PRG4: variants seen among roughly 807,000 people sequenced by gnomAD.
PRG4 encodes proteoglycan 4, also known as articular superficial zone protein.
In PRG4, 61 loss-of-function variants were observed where a neutral mutation model predicts 91.2. The observed-to-expected ratio is 0.67, with a 90% confidence interval of 0.54 to 0.83. PRG4 has a LOEUF of 0.83. Among genes scored for constraint, PRG4 ranks in the 40% least tolerant of loss-of-function variants. PRG4 has a pLI of 0.00. For missense variants in PRG4, 1,564 were observed against 1,714.2 expected (o/e 0.91, Z 1.55); for synonymous variants, 576 against 614.2 (o/e 0.94, Z 0.92).
rs754081495 is a variant in PRG4, at chr1:186,309,780, T to C, written c.3422-13T>C. ...CTGTTCTATATTTGTTTTGTTTTTG[T>C]TAATTTGTTTAGATGAGACCAATAT... On this transcript the variant is annotated splice_polypyrimidine_tract_variant and intron_variant, in intron 7 of 12. Coordinates refer to ENST00000445192, the MANE Select transcript of PRG4 (RefSeq NM_005807.6). 2 of 1,598,278 alleles carry C rather than the reference T, an allele frequency of 1.3e-6. No homozygotes were observed. Among genetic ancestry groups the C allele is most frequent in the South Asian group, 2.2e-5 (2 of 90,788 alleles).
chr1:186,298,257 C>T (rs1284217150), intron 2 of PRG4, among the ~76,000 whole-genome samples: 2 of 151,890 alleles, frequency 1.3e-5, no homozygotes, highest in East Asian at 3.9e-4. Flanking sequence ...GTAGTGTGTG[C>T]CTGTAATCCC....
At chr1:186,300,979 A>G (rs916411910) in intron 3 of PRG4, among the ~76,000 whole-genome samples, 8 of 152,152 alleles carry the variant, frequency 5.3e-5, no homozygotes, top group African/African-American at 1.9e-4. Flanking sequence ...GTCCCTGTTA[A>G]CTCTAACAAA....
intron 7 of PRG4, 90 bp from the exon 8 acceptor site, chr1:186,309,703 G>A: frequency 1.0e-6 from 1 of 973,728 alleles, no homozygotes. Flanking sequence ...AGGTAAACAG[G>A]AAATAGAACC....
In PRG4 at chr1:186,309,848, T is replaced by G. The variant is rs1354731336; in HGVS notation, c.3477T>G (p.Asn1159Lys). Residue 1159 changes from asparagine to lysine, a missense_variant, in exon 8 of 13, where the codon AAT becomes AAG. By Grantham distance (94) the Asn-to-Lys change is moderately conservative. Around this residue, in one of 3 missense-constraint regions of PRG4, gnomAD observed 1,079 missense variants for 1,162.2 expected, o/e 0.93. Coordinates refer to ENST00000445192, the MANE Select transcript of PRG4 (RefSeq NM_005807.6). ...TAGATGGACTGACTACTTTGCGCAA[T>G]GGGACATTAGTTGCATTCCGAGGTG... ...KPVDGLTTLR[N>K]GTLVAFRGHY... The G allele has an allele frequency of 6.2e-7, 1 of 1,613,720 alleles. No homozygotes were observed. The highest frequency in any genetic ancestry group is 1.1e-5 in the South Asian group (1 of 91,080).
chr1:186,298,081 T>C (rs1185742299), intron 2 of PRG4, among the ~76,000 whole-genome samples: 1 of 152,172 alleles, frequency 6.6e-6, no homozygotes, highest in Non-Finnish European at 1.5e-5. Flanking sequence ...ATTAAATAAA[T>C]CAAATTAAAA....
chr1:186,297,287 T>C (rs1655921829), intron 2 of PRG4, among the ~76,000 whole-genome samples: 1 of 152,172 alleles, frequency 6.6e-6, no homozygotes, highest in South Asian at 2.1e-4. Context: ...AAGAACAATA[T>C]TTAGATAACA....
intron 3 of PRG4, 88 bp downstream of exon 3, chr1:186,300,301 CTG>C (rs762367713): frequency 5.3e-5 from 82 of 1,555,752 alleles, no homozygotes; most frequent in Non-Finnish European, 7.2e-5. Flanking sequence ...TGCTGTGAGA[CTG>C]AGCCTCCCCT....
At position 186,306,846 on chromosome 1, in the gene PRG4, C is replaced by T. The variant is rs1182014724; in HGVS notation, c.1127C>T (p.Thr376Ile). Residue 376 changes from threonine (T) to isoleucine (I), a missense_variant, in exon 7 of 13, where the codon ACC (threonine) becomes ATC (isoleucine). Transcript: ENST00000445192. ...PTPTTIKSAP[T>I]TPKEPAPTTT... ...CCTACCACCATCAAGTCTGCACCCA[C>T]CACCCCCAAGGAGCCTGCACCCACC... 5 of 1,612,152 alleles carry T rather than the reference C, an allele frequency of 3.1e-6. No homozygotes were observed. Among genetic ancestry groups the T allele is most frequent in the Non-Finnish European group, 4.2e-6 (5 of 1,179,312 alleles).
At chr1:186,313,654 T>G in intron 12 of PRG4, 27 bp from the exon 13 acceptor site, 1 of 1,412,822 alleles carries the variant, frequency 7.1e-7, no homozygotes, top group Non-Finnish European at 1.0e-6. Context: ...TCTTTTTAAC[T>G]AAAAAAATGT....
In PRG4 at chr1:186,308,764, A is replaced by C; in HGVS notation, c.3045A>C (p.Lys1015Asn). The change falls in exon 7 of 13, where the codon AAA becomes AAC. Residue 1015 changes from lysine to asparagine, a missense_variant. Lys to Asn is a moderately conservative substitution (Grantham distance 94, BLOSUM62 0). Around this residue, in one of 3 missense-constraint regions of PRG4, gnomAD observed 1,079 missense variants for 1,162.2 expected, o/e 0.93. Coordinates refer to ENST00000445192, the MANE Select transcript of PRG4 (RefSeq NM_005807.6). ...CAAAAGACAGAGCTACTAATTCTAA[A>C]GCGACAACTCCTAAACCTCAAAAGC... ...AKPKDRATNS[K>N]ATTPKPQKPT... 2.5e-6 allele frequency: 4 copies of C among 1,613,978 alleles called. No individual in the cohort carries two copies. Among genetic ancestry groups the C allele is most frequent in the Non-Finnish European group, 2.5e-6 (3 of 1,180,026 alleles).
chr1:186,311,594 G>A lies in PRG4; in HGVS notation c.3791G>A (p.Arg1264Lys). 6.2e-7 allele frequency: 1 copy of A among 1,613,520 alleles called. No individual in the cohort carries two copies. Among genetic ancestry groups the A allele is most frequent in the South Asian group, 1.1e-5 (1 of 91,046 alleles). ...CCTGAATCTGTGTATTTTTTCAAGAGAGGTATGTGTTACATAATTGACAAG... is the reference window on the plus strand; with the variant it reads ...CCTGAATCTGTGTATTTTTTCAAGAAAGGTATGTGTTACATAATTGACAAG... ...NWPESVYFFK[R>K]GGSIQQYIYK... is the part of the protein sequence containing the mutation. The change falls in exon 10 of 13, where the codon AGA (arginine) becomes AAA (lysine). Residue 1264 changes from arginine (R) to lysine (K), a missense_variant and splice_region_variant. Physicochemically the swap from Arg to Lys is conservative, Grantham distance 26. Coordinates refer to ENST00000445192, the MANE Select transcript of PRG4 (RefSeq NM_005807.6).
At chr1:186,313,440 A>G in intron 12 of PRG4, 1 of 470,706 alleles carries the variant, frequency 2.1e-6, no homozygotes, top group South Asian at 2.7e-5. Flanking sequence ...TTTACTTCAT[A>G]AAGGAGAGCT....
chr1:186,311,989 A>T (rs1181323268), intron 10 of PRG4, 186 bp from the exon 11 acceptor site: 1 of 586,490 alleles, frequency 1.7e-6, no homozygotes, highest in Non-Finnish European at 3.0e-6. Context: ...TATTCATTCA[A>T]CAAGTATTTC....
chr1:186,311,324 T>C (rs1657210991), intron 9 of PRG4, 116 bp from the exon 10 acceptor site: 22 of 1,425,706 alleles, frequency 1.5e-5, no homozygotes, highest in East Asian at 2.3e-5. Context: ...ACAGTAATGG[T>C]CAAAATTCAA....
Position 186,312,364 on chromosome 1 carries a change from A to G in PRG4, c.3983A>G (p.Gln1328Arg). Residue 1328 changes from glutamine (Q) to arginine (R), a missense_variant, in exon 11 of 13, where the codon CAA (glutamine) becomes CGA (arginine). Gln to Arg is a conservative substitution (Grantham distance 43). This residue lies in a region of PRG4 where 1,079 missense variants were observed against 1,162.2 expected (regional missense o/e 0.93). Transcript: ENST00000445192. The part of the protein sequence containing the change: ...IQYSPARLAY[Q>R]DKGVLHNEVK... Reference sequence around the variant, plus strand: ...TATTCACCTGCCAGACTGGCTTATCAAGACAAAGGTAACATTTTTATTGTG... The same window carrying G: ...TATTCACCTGCCAGACTGGCTTATCGAGACAAAGGTAACATTTTTATTGTG... The G allele has an allele frequency of 6.2e-7, 1 of 1,606,822 alleles. No homozygotes were observed. The highest frequency in any genetic ancestry group is 1.1e-5 in the South Asian group (1 of 89,462).
Position 186,309,048 on chromosome 1 carries a change from G to A in PRG4, c.3329G>A (p.Arg1110Lys). ...GGAGAAACACCTCATATGCTTCTCA[G>A]GCCCCATGTGTTCATGCCTGAAGTT... ...AEGETPHMLL[R>K]PHVFMPEVTP... The change falls in exon 7 of 13, where the codon AGG (arginine) becomes AAG (lysine). Residue 1110 changes from arginine to lysine, a missense_variant. Around this residue, in one of 3 missense-constraint regions of PRG4, gnomAD observed 1,079 missense variants for 1,162.2 expected, o/e 0.93. Coordinates refer to ENST00000445192, the MANE Select transcript of PRG4 (RefSeq NM_005807.6). 6.2e-7 allele frequency: 1 copy of A among 1,613,802 alleles called. No homozygotes were observed. Among genetic ancestry groups the A allele is most frequent in the Middle Eastern group, 1.7e-4 (1 of 6,060 alleles).
In PRG4 at chr1:186,308,044, A is replaced by G. The variant is rs151275508; in HGVS notation, c.2325A>G (p.Pro775=). 2 of 1,607,652 alleles carry G rather than the reference A, an allele frequency of 1.2e-6. No homozygotes were observed. Among genetic ancestry groups the G allele is most frequent in the African/African-American group, 2.7e-5 (2 of 73,676 alleles). ...CAACTACCCCTAAGGAGCCTGCTCCAACTACCCCTAAGGGGACTGCTCCAA... is the reference window on the plus strand; with the variant it reads ...CAACTACCCCTAAGGAGCCTGCTCCGACTACCCCTAAGGGGACTGCTCCAA... ...PAPTTPKEPA[P]TTPKGTAPTT... Residue 775 remains proline (P), a synonymous_variant, in exon 7 of 13, where the codon CCA becomes CCG. Coordinates refer to ENST00000445192, the MANE Select transcript of PRG4 (RefSeq NM_005807.6).
chr1:186,310,986 T>C lies in PRG4; in HGVS notation c.3500-48T>C, dbSNP rs779773624. On this transcript the variant is annotated intron_variant, in intron 8 of 12. Transcript: ENST00000445192. ...TTTTTCATTTTGGTTTCTTTTGTGATAGGTTTAGCATTCAGCTTGTAGGCT... is the reference window on the plus strand; with the variant it reads ...TTTTTCATTTTGGTTTCTTTTGTGACAGGTTTAGCATTCAGCTTGTAGGCT... 2.6e-5 allele frequency: 42 copies of C among 1,608,020 alleles called. No individual in the cohort carries two copies. The Admixed American group carries it at 3.7e-4, about 14-fold the overall frequency.
At chr1:186,304,636 A>C (rs1330191503) in intron 5 of PRG4, among the ~76,000 whole-genome samples, 158 bp from the exon 6 acceptor site, 3 of 152,214 alleles carry the variant, frequency 2.0e-5, no homozygotes, top group Non-Finnish European at 4.4e-5. Flanking sequence ...CCTTGCTTTT[A>C]ACTGACAGAT....
Sources: gnomAD v4.1 joint callset for allele counts (sites outside exome capture counted in the v4.1 genomes callset) on GRCh38, gnomAD v4.1.1 for gene constraint, gnomAD v4.1.1 regional missense constraint, MANE v1.5 for transcripts, NCBI Gene and HGNC (gene_info 2026-07-23, HGNC 2026-07-21) for gene names.